UBE3B: variants seen among roughly 807,000 people sequenced by gnomAD.
The protein encoded by UBE3B is ubiquitin protein ligase E3B, also known as ubiquitin-protein ligase E3B.
UBE3B carries 80 observed loss-of-function variants against 132.3 expected under a neutral mutation model. The ratio of observed to expected loss-of-function variants is 0.60; its 90% CI spans 0.50 to 0.73. The LOEUF is 0.73. Among genes scored for constraint, UBE3B ranks in the 30% least tolerant of loss-of-function variants. The probability of loss-of-function intolerance (pLI) is 0.00; values close to 1 mark genes in which losing one functional copy is unlikely to be tolerated. For missense variants in UBE3B, 1,196 were observed against 1,362.5 expected (o/e 0.88, Z 1.92); for synonymous variants, 487 against 520.4 (o/e 0.94, Z 0.87).
chr12:109,526,211 C>A, intron 23 of UBE3B, 147 bp from the exon 24 acceptor site: 1 of 807,356 alleles, frequency 1.2e-6, no homozygotes, highest in Non-Finnish European at 2.0e-6. Context: ...TCAGCCTTGA[C>A]TTTTTATGAG....
At chr12:109,536,929 G>T (rs568788272), downstream of UBE3B, among the ~76,000 whole-genome samples, 31 of 152,242 alleles carry the variant, frequency 2.0e-4, no homozygotes, top group African/African-American at 7.5e-4. Context: ...ACCCTCTATG[G>T]GCCCATCCCT....
chr12:109,483,457 T>A, intron 2 of UBE3B, 74 bp from the exon 3 acceptor site: 1 of 1,457,352 alleles, frequency 6.9e-7, no homozygotes, highest in Non-Finnish European at 9.1e-7. Context: ...GCCCACCCTC[T>A]GCTCTTGAGC....
intron 18 of UBE3B, among the ~76,000 whole-genome samples, chr12:109,513,810 G>A (rs956059771): frequency 5.9e-5 from 9 of 151,932 alleles, no homozygotes; most frequent in Admixed American, 2.0e-4. Flanking sequence ...TTCCTGCTCC[G>A]TGATTGCAGG....
chr12:109,518,056 A>G (rs1419674114), intron 19 of UBE3B: 4 of 340,394 alleles, frequency 1.2e-5, no homozygotes, highest in South Asian at 4.5e-5. Flanking sequence ...CCTGCAGGCC[A>G]TGTGAAGGAG....
chr12:109,498,363 C>CG lies in UBE3B; in HGVS notation c.940+11dup. On this transcript the variant is annotated intron_variant, in intron 11 of 27. Transcript: ENST00000342494. The stretch of plus-strand genomic sequence containing the variant: ...ACGCTTTGTCTAATGGGTAAGTATC[C>CG]GTGGCTGGAACTTGATTGTGTCCTG... The CG allele has an allele frequency of 1.2e-6, 2 of 1,611,856 alleles. No individual in the cohort carries two copies. The highest frequency in any genetic ancestry group is 2.2e-5 in the South Asian group (2 of 90,802).
chr12:109,502,370 A>G (rs753065516), intron 13 of UBE3B, among the ~76,000 whole-genome samples: 4 of 152,170 alleles, frequency 2.6e-5, no homozygotes, highest in Non-Finnish European at 5.9e-5. Context: ...AATGGGTTCC[A>G]TGGGAAGGTT....
chr12:109,531,086 A>G (rs1172186511), intron 26 of UBE3B, among the ~76,000 whole-genome samples: 1 of 152,146 alleles, frequency 6.6e-6, no homozygotes, highest in African/African-American at 2.4e-5. Flanking sequence ...TCAACTCTCT[A>G]CACTCCTACT....
chr12:109,519,327 G>A (rs73196282), intron 19 of UBE3B, among the ~76,000 whole-genome samples: 8,085 of 152,280 alleles, frequency 0.053, 297 homozygotes, highest in Non-Finnish European at 0.082. Flanking sequence ...CACCTCCCAA[G>A]AGGCATGGAT....
rs774145584 is a variant in UBE3B at position 109,511,243 on chromosome 12, G to A, written c.1896G>A (p.Arg632=). 6.2e-7 allele frequency: 1 copy of A among 1,614,068 alleles called. No homozygotes were observed. Among genetic ancestry groups the A allele is most frequent in the Non-Finnish European group, 8.5e-7 (1 of 1,179,998 alleles). Residue 632 remains arginine, a synonymous_variant, in exon 18 of 28, where the codon AGG becomes AGA. Transcript: ENST00000342494. ...KPSVLFQELD[R]DRKRAQLILQ... ...GCGTGCTCTTCCAAGAACTCGACAG[G>A]GACAGAAAACGGGCACAGTTGATCC...
rs988184537 is a variant in UBE3B, at chr12:109,536,534, C to T, written c.*1752C>T. The T allele has an allele frequency of 3.9e-5, 6 of 152,166 alleles. No individual in the cohort carries two copies. Among genetic ancestry groups the T allele is most frequent in the Admixed American group, 2.0e-4 (3 of 15,266 alleles). 9.4% of individuals were successfully genotyped at this position (152,166 alleles called of 1,614,324 possible). A position where few individuals can be genotyped will look rare whatever the true frequency, so the allele number is the denominator to read the frequency against. ...ATTTCATTTAAATTCTTTTCAGCAG[C>T]TGGAAATATTGCACTATCTGAAACA... On this transcript the variant is annotated 3_prime_UTR_variant, in exon 28 of 28. Coordinates refer to ENST00000342494, the MANE Select transcript of UBE3B (RefSeq NM_130466.4).
At chr12:109,525,769 A>G (rs1882270599) in intron 23 of UBE3B, among the ~76,000 whole-genome samples, 1 of 152,232 alleles carries the variant, frequency 6.6e-6, no homozygotes, top group Admixed American at 6.5e-5. Context: ...TAGCTCTAAT[A>G]TGAGCAAAAG....
chr12:109,504,784 T>G (rs1039663100), intron 14 of UBE3B, among the ~76,000 whole-genome samples: 13 of 150,282 alleles, frequency 8.7e-5, no homozygotes, highest in African/African-American at 3.2e-4. Context: ...GAGAGGAGTT[T>G]GGGGTTGTGG....
At position 109,521,361 on chromosome 12, in the gene UBE3B, C is replaced by A; in HGVS notation, c.2253+37C>A. The A allele has an allele frequency of 6.2e-7, 1 of 1,605,256 alleles. No individual in the cohort carries two copies. ...GAGCAACAGCAGGGCTGACAGCAGC[C>A]AGATTCAAGAAGTGAAGAGCTGGGC... On this transcript the variant is annotated intron_variant, in intron 20 of 27. Transcript: ENST00000342494. This position sits in a 1 kb window ranked among gnomAD's most constrained non-coding sequence, Gnocchi z 4.2.
chr12:109,504,115 T>C (rs1223373884), intron 14 of UBE3B, among the ~76,000 whole-genome samples: 1 of 152,158 alleles, frequency 6.6e-6, no homozygotes, highest in African/African-American at 2.4e-5. Context: ...TGCTGAGAGA[T>C]GATGTTGGCC....
At chr12:109,516,588 A>G (rs558587738) in intron 18 of UBE3B, among the ~76,000 whole-genome samples, 177 bp from the exon 19 acceptor site, 1 of 152,092 alleles carries the variant, frequency 6.6e-6, no homozygotes, top group Non-Finnish European at 1.5e-5. Flanking sequence ...AATTCCCACA[A>G]GTGTTCCAGG....
Position 109,521,069 on chromosome 12 carries a change from C to A in UBE3B, c.2077-79C>A. 19 of 1,523,194 alleles carry A rather than the reference C, an allele frequency of 1.2e-5. No individual in the cohort carries two copies. The highest frequency in any genetic ancestry group is 1.6e-5 in the Non-Finnish European group (18 of 1,116,292). 94.4% of individuals were successfully genotyped at this position (1,523,194 alleles called of 1,614,324 possible). A position where few individuals can be genotyped will look rare whatever the true frequency, so the allele number is the denominator to read the frequency against. Reference sequence around the variant, plus strand: ...TTTGGTAATGATGCTGGGAGAGCTTCGCACAGAGGAGAGGGAACCCCGAAT... The same window carrying A: ...TTTGGTAATGATGCTGGGAGAGCTTAGCACAGAGGAGAGGGAACCCCGAAT... On this transcript the variant is annotated intron_variant, in intron 19 of 27. Coordinates refer to ENST00000342494, the MANE Select transcript of UBE3B (RefSeq NM_130466.4). The surrounding 1 kb of genome is among the most constrained non-coding windows in gnomAD (Gnocchi z 4.2).
intron 19 of UBE3B, among the ~76,000 whole-genome samples, chr12:109,518,964 C>T (rs1262616601): frequency 1.3e-5 from 2 of 152,178 alleles, no homozygotes; most frequent in Non-Finnish European, 2.9e-5. Flanking sequence ...AAGCTGATCT[C>T]AGACTCATGC....
At chr12:109,483,388 G>A in intron 2 of UBE3B, 143 bp from the exon 3 acceptor site, 2 of 712,984 alleles carry the variant, frequency 2.8e-6, no homozygotes, top group South Asian at 7.0e-5. Flanking sequence ...GTGCCGGAGA[G>A]CTGTTAGCGC....
chr12:109,508,014 A>C (rs1879902698), intron 15 of UBE3B, among the ~76,000 whole-genome samples: 1 of 152,188 alleles, frequency 6.6e-6, no homozygotes, highest in South Asian at 2.1e-4. Flanking sequence ...GGTTTAGATC[A>C]TGGCTCAGCC....
Sources: gnomAD v4.1 joint callset for allele counts (sites outside exome capture counted in the v4.1 genomes callset) on GRCh38, gnomAD v4.1.1 for gene constraint, Gnocchi (gnomAD v3.1) non-coding constraint, MANE v1.5 for transcripts, NCBI Gene and HGNC (gene_info 2026-07-23, HGNC 2026-07-21) for gene names.